ENTREP2: variants seen among roughly 807,000 people sequenced by gnomAD.
ENTREP2 encodes endosomal transmembrane epsin interactor 2.
At chr15:29,128,447 T>C in the ENTREP2 span, among the ~76,000 whole-genome samples, 3,446 of 152,134 alleles carry the variant, frequency 0.023, 131 homozygotes, top group African/African-American at 0.078. Flanking sequence ...TAGGTACAAC[T>C]TTGGCTCTGG....
chr15:29,412,709 T>G, the ENTREP2 span, among the ~76,000 whole-genome samples: 1 of 152,122 alleles, frequency 6.6e-6, no homozygotes, highest in Non-Finnish European at 1.5e-5. Flanking sequence ...TTCTTTTTTG[T>G]TCTTACACAT....
the ENTREP2 span, among the ~76,000 whole-genome samples, chr15:29,302,173 G>A: frequency 2.6e-5 from 4 of 152,108 alleles, no homozygotes; most frequent in East Asian, 5.8e-4. Context: ...TGACAGTCGA[G>A]TGGAAGCTTC....
At chr15:29,538,300 G>C in the ENTREP2 span, among the ~76,000 whole-genome samples, 1 of 152,164 alleles carries the variant, frequency 6.6e-6, no homozygotes, top group South Asian at 2.1e-4. Flanking sequence ...AGGAAGCAGA[G>C]AGTTCAATTC....
chr15:29,351,192 A>T, the ENTREP2 span, among the ~76,000 whole-genome samples: 1 of 152,194 alleles, frequency 6.6e-6, no homozygotes, highest in Non-Finnish European at 1.5e-5. Flanking sequence ...TGGGCTACAA[A>T]CCTGCACAGC....
the ENTREP2 span, among the ~76,000 whole-genome samples, chr15:29,658,689 T>G: frequency 2.4e-3 from 367 of 152,300 alleles, 2 homozygotes; most frequent in African/African-American, 8.3e-3. Flanking sequence ...CCAAGACTGA[T>G]CTGAATGTGA....
the ENTREP2 span, among the ~76,000 whole-genome samples, chr15:29,424,015 G>T: frequency 6.6e-6 from 1 of 152,248 alleles, no homozygotes; most frequent in Admixed American, 6.5e-5. Flanking sequence ...GGACCCTCAC[G>T]GTGAGTGTCA....
chr15:29,549,222 C>G, the ENTREP2 span, among the ~76,000 whole-genome samples: 1 of 151,932 alleles, frequency 6.6e-6, no homozygotes, highest in Admixed American at 6.6e-5. Flanking sequence ...CTGCCTGATT[C>G]TAGAATCACA....
chr15:29,217,015 G>A, the ENTREP2 span, among the ~76,000 whole-genome samples: 1 of 152,028 alleles, frequency 6.6e-6, no homozygotes, highest in African/African-American at 2.4e-5. Flanking sequence ...AGGAAGGGGG[G>A]GTCTAGTTAA....
At chr15:29,295,679 T>C in the ENTREP2 span, among the ~76,000 whole-genome samples, 5 of 152,342 alleles carry the variant, frequency 3.3e-5, no homozygotes, top group East Asian at 3.9e-4. Flanking sequence ...TTAAGTAATA[T>C]GAGGGTTCCT....
At chr15:29,403,924 T>A in the ENTREP2 span, among the ~76,000 whole-genome samples, 1 of 152,200 alleles carries the variant, frequency 6.6e-6, no homozygotes. Context: ...TCTGCTCTGC[T>A]GCCCCTGGCT....
At chr15:29,269,531 C>G in the ENTREP2 span, 1 of 1,527,876 alleles carries the variant, frequency 6.5e-7, no homozygotes, top group Admixed American at 2.1e-5. Context: ...CCCTGCGACC[C>G]CTGCGAGCCG....
the ENTREP2 span, among the ~76,000 whole-genome samples, chr15:29,137,707 A>G: frequency 1.3e-5 from 2 of 152,148 alleles, no homozygotes; most frequent in African/African-American, 2.4e-5. Flanking sequence ...GTAGTGGTGC[A>G]TGCCTGTAAT....
At chr15:29,269,935 G>C in the ENTREP2 span, 4 of 479,364 alleles carry the variant, frequency 8.3e-6, no homozygotes, top group Admixed American at 8.7e-5. Flanking sequence ...CTGCAGGTCC[G>C]GGCGATGATT....
the ENTREP2 span, chr15:29,124,792 T>C: frequency 1.3e-6 from 2 of 1,536,162 alleles, no homozygotes; most frequent in African/African-American, 1.4e-5. Flanking sequence ...AGTGAACACA[T>C]GAAAGGAAAA....
At chr15:29,423,165 C>T in the ENTREP2 span, among the ~76,000 whole-genome samples, 1 of 152,088 alleles carries the variant, frequency 6.6e-6, no homozygotes, top group Non-Finnish European at 1.5e-5. Context: ...TGAATAACCC[C>T]GCCTGCCCCA....
chr15:29,375,107 C>T, the ENTREP2 span: 1 of 152,324 alleles, frequency 6.6e-6, no homozygotes, highest in East Asian at 1.9e-4. Context: ...TGGAAACTAT[C>T]TGATTCCTTT....
the ENTREP2 span, among the ~76,000 whole-genome samples, chr15:29,440,812 G>A: frequency 2.0e-5 from 3 of 152,006 alleles, no homozygotes; most frequent in African/African-American, 4.8e-5. Context: ...CCGCTCCAGG[G>A]GTTATCCCCT....
the ENTREP2 span, among the ~76,000 whole-genome samples, chr15:29,655,533 A>G: frequency 1.3e-5 from 2 of 152,312 alleles, no homozygotes; most frequent in Admixed American, 6.5e-5. Context: ...TCCCCAGTCA[A>G]AGAGAGCAAT....
chr15:29,614,612 T>C, the ENTREP2 span, among the ~76,000 whole-genome samples: 1 of 152,214 alleles, frequency 6.6e-6, no homozygotes, highest in Non-Finnish European at 1.5e-5. Context: ...CCAATTAATA[T>C]GTCCCTCTGT....
Sources: allele counts gnomAD v4.1 joint callset (sites outside exome capture counted in the v4.1 genomes callset), GRCh38; gene constraint gnomAD v4.1.1; transcripts MANE v1.5; gene names NCBI Gene and HGNC (gene_info 2026-07-23, HGNC 2026-07-21).